The following ADAMTS2 variants were observed in gnomAD, a reference collection of about 807,000 sequenced individuals.
The protein encoded by ADAMTS2 is ADAM metallopeptidase with thrombospondin type 1 motif 2.
Under a neutral mutation model 123.0 loss-of-function variants are expected in ADAMTS2, and 50 were observed. That is an observed-to-expected ratio of 0.41 (90% CI 0.32 to 0.51). The LOEUF (loss-of-function observed/expected upper bound fraction) is 0.51. Ranked by LOEUF, ADAMTS2 falls within the 20% of genes least tolerant of loss-of-function variation. ADAMTS2 has a pLI of 0.35. For synonymous variants in ADAMTS2, 678 were observed against 695.4 expected, an observed-to-expected ratio of 0.98 and a Z score of 0.39; for missense variants, 1,494 against 1,705.2, an observed-to-expected ratio of 0.88 and a Z score of 2.18.
At position 179,314,313 on chromosome 5, in the gene ADAMTS2, G is replaced by A. The variant is rs1025247665; in HGVS notation, c.534+29454C>T. Among the ~76,000 whole-genome samples the A allele has an allele frequency of 4.6e-5, 7 of 152,190 alleles. No individual in the cohort carries two copies. Among genetic ancestry groups the A allele is most frequent in the Non-Finnish European group, 8.8e-5 (6 of 68,016 alleles). ...CCATCTGGGGCTTGGCTGGGCCTCA[G>A]CCTCCTGGCTGCCACGTCTCACTGG... On this transcript the variant is annotated intron_variant, in intron 2 of 21. Transcript: ENST00000251582. This position sits in a 1 kb window ranked among gnomAD's most constrained non-coding sequence, Gnocchi z 4.5.
chr5:179,188,276 G>A lies in ADAMTS2; in HGVS notation c.892-7121C>T, dbSNP rs1764220405. ...TCTGTCAGAGGCCTGGGGGAGGGGG[G>A]CCTGCTGCTCTGTGGCTTCTCTGGG... On this transcript the variant is annotated intron_variant, in intron 4 of 21. Coordinates refer to ENST00000251582, the MANE Select transcript of ADAMTS2 (RefSeq NM_014244.5). This position sits in a 1 kb window ranked among gnomAD's most constrained non-coding sequence, Gnocchi z 5.1. Among the ~76,000 whole-genome samples the A allele has an allele frequency of 1.3e-5, 2 of 152,198 alleles. No homozygotes were observed. The highest frequency in any genetic ancestry group is 1.3e-4 in the Admixed American group (2 of 15,288).
At chr5:179,207,947 G>A (rs1344518584) in intron 3 of ADAMTS2, among the ~76,000 whole-genome samples, 4 of 152,046 alleles carry the variant, frequency 2.6e-5, no homozygotes, top group African/African-American at 9.7e-5. Flanking sequence ...AGGACCGCTC[G>A]TTCCCCAGCC....
intron 5 of ADAMTS2, among the ~76,000 whole-genome samples, chr5:179,174,230 C>A (rs768628420): frequency 4.6e-5 from 7 of 152,050 alleles, no homozygotes; most frequent in Non-Finnish European, 7.4e-5. Flanking sequence ...TATGGGCTTT[C>A]TCTTAGCCAC....
chr5:179,147,298 A>G (rs180913363), intron 10 of ADAMTS2, among the ~76,000 whole-genome samples: 1,554 of 152,278 alleles, frequency 0.01, 11 homozygotes, highest in Non-Finnish European at 0.016. Flanking sequence ...CATGTTGGCC[A>G]GGCTGGTCTC....
chr5:179,173,179 T>A (rs1481358699), intron 5 of ADAMTS2, among the ~76,000 whole-genome samples: 1 of 151,166 alleles, frequency 6.6e-6, no homozygotes, highest in Non-Finnish European at 1.5e-5. Context: ...ACCACTCCAC[T>A]CTAGTCTGGG....
rs1554128903 is a variant in ADAMTS2 at position 179,189,510 on chromosome 5, G to GCTTTTTTTTTT, written c.892-8356_892-8355insAAAAAAAAAAG. Reference sequence around the variant, plus strand: ...CTACAGGCGCCCGCCAGTGCGCCTGGTTTTTTTTTTTTTTTTTTTTTTTTT... The same window carrying GCTTTTTTTTTT: ...CTACAGGCGCCCGCCAGTGCGCCTGGCTTTTTTTTTTTTTTTTTTTTTTTTTTTTTTTTTTT... On this transcript the variant is annotated intron_variant, in intron 4 of 21. Transcript: ENST00000251582. This position sits in a 1 kb window ranked among gnomAD's most constrained non-coding sequence, Gnocchi z 4.2. Among the ~76,000 whole-genome samples the GCTTTTTTTTTT allele has an allele frequency of 4.2e-3, 331 of 78,958 alleles. 101 individuals carry two copies. The highest frequency in any genetic ancestry group is 8.7e-3 in the African/African-American group (194 of 22,400). The allele number at this position is 78,958 out of a possible 152,430, so 51.8% of individuals were successfully genotyped here.
intron 4 of ADAMTS2, among the ~76,000 whole-genome samples, chr5:179,183,188 T>A (rs1420158898): frequency 6.6e-6 from 1 of 152,200 alleles, no homozygotes; most frequent in Non-Finnish European, 1.5e-5. Flanking sequence ...GACTAGATTG[T>A]TTAGTCCACG....
At position 179,307,920 on chromosome 5, in the gene ADAMTS2, T is replaced by A. The variant is rs1756723620; in HGVS notation, c.535-34856A>T. Among the ~76,000 whole-genome samples, 1 of 152,212 alleles carries A rather than the reference T, an allele frequency of 6.6e-6. No individual in the cohort carries two copies. Among genetic ancestry groups the A allele is most frequent in the Non-Finnish European group, 1.5e-5 (1 of 68,038 alleles). Reference sequence around the variant, plus strand: ...ATCGACACGTGGGTTCTTTATTGGGTCACTCTCTGCCCCCTGACCAGGGAT... The same window carrying A: ...ATCGACACGTGGGTTCTTTATTGGGACACTCTCTGCCCCCTGACCAGGGAT... On this transcript the variant is annotated intron_variant, in intron 2 of 21. Coordinates refer to ENST00000251582, the MANE Select transcript of ADAMTS2 (RefSeq NM_014244.5). The surrounding 1 kb of genome is among the most constrained non-coding windows in gnomAD (Gnocchi z 5.6).
At chr5:179,243,150 GAAA>G (rs34678289) in intron 3 of ADAMTS2, among the ~76,000 whole-genome samples, 133 of 143,870 alleles carry the variant, frequency 9.2e-4, no homozygotes, top group South Asian at 5.7e-3. Context: ...TTATTTACTG[GAAA>G]AAAAAAAAAA....
Position 179,343,818 on chromosome 5 carries a change from C to G in ADAMTS2, c.483G>C (p.Val161=), listed in dbSNP as rs759179223. ...CAGAGGAGGCTTCGGCTAGGCCGGCCACGTCTCCGACGTAGAGACAGCTCC... is the reference window on the plus strand; with the variant it reads ...CAGAGGAGGCTTCGGCTAGGCCGGCGACGTCTCCGACGTAGAGACAGCTCC... ...LLGSCLYVGD[V]AGLAEASSVA... The change falls in exon 2 of 22, where the codon GTG becomes GTC. Residue 161 remains valine, a synonymous_variant. Coordinates refer to ENST00000251582, the MANE Select transcript of ADAMTS2 (RefSeq NM_014244.5). The G allele has an allele frequency of 1.2e-6, 2 of 1,610,598 alleles. No individual in the cohort carries two copies. The highest frequency in any genetic ancestry group is 2.2e-5 in the South Asian group (2 of 90,554).
In ADAMTS2 at chr5:179,211,631, C is replaced by T. The variant is rs1233537336; in HGVS notation, c.689-3916G>A. 3.3e-5 allele frequency among the ~76,000 whole-genome samples: 5 copies of T among 152,162 alleles called. No individual in the cohort carries two copies. The South Asian group carries it at 6.2e-4, about 19-fold the overall frequency. On this transcript the variant is annotated intron_variant, in intron 3 of 21. Coordinates refer to ENST00000251582, the MANE Select transcript of ADAMTS2 (RefSeq NM_014244.5). The stretch of plus-strand genomic sequence containing the variant: ...CTAGAATGGAACAAAAAGACTCTAT[C>T]GAAGAGTCAATCAATAAACAGGGAG...
intron 3 of ADAMTS2, among the ~76,000 whole-genome samples, chr5:179,212,240 C>A (rs1407020470): frequency 8.0e-6 from 1 of 125,080 alleles, no homozygotes; most frequent in Admixed American, 7.7e-5. Context: ...TGGGCAGGCA[C>A]GGGCTCTGTG....
intron 2 of ADAMTS2, among the ~76,000 whole-genome samples, chr5:179,290,548 C>T (rs982713419): frequency 6.6e-6 from 1 of 152,214 alleles, no homozygotes; most frequent in African/African-American, 2.4e-5. Context: ...CCTTGTTCTA[C>T]GTTGCATACG....
intron 19 of ADAMTS2, 85 bp downstream of exon 19, chr5:179,124,888 G>A (rs1258195055): frequency 1.3e-6 from 2 of 1,597,826 alleles, no homozygotes; most frequent in Non-Finnish European, 1.7e-6. Context: ...TTGTGTAGCG[G>A]CTGAATGCAG....
chr5:179,242,848 C>A lies in ADAMTS2; in HGVS notation c.688+30063G>T, dbSNP rs1484197576. ...TCCAACTCCCAGTGACAGAGGGTAA[C>A]TCCCTGCTGAGTGTGACCGAAAGGC... is the stretch of plus-strand genomic sequence containing the variant. On this transcript the variant is annotated intron_variant, in intron 3 of 21. Coordinates refer to ENST00000251582, the MANE Select transcript of ADAMTS2 (RefSeq NM_014244.5). This position sits in a 1 kb window ranked among gnomAD's most constrained non-coding sequence, Gnocchi z 4.2. Among the ~76,000 whole-genome samples, 2 of 152,212 alleles carry A rather than the reference C, an allele frequency of 1.3e-5. No individual in the cohort carries two copies. The highest frequency in any genetic ancestry group is 4.8e-5 in the African/African-American group (2 of 41,448).
At chr5:179,178,806 G>A (rs965227205) in intron 5 of ADAMTS2, among the ~76,000 whole-genome samples, 4 of 152,162 alleles carry the variant, frequency 2.6e-5, no homozygotes, top group African/African-American at 9.7e-5. Flanking sequence ...GTTGAAGGCA[G>A]GGCTAATGTG....
chr5:179,263,450 C>A (rs984159507), intron 3 of ADAMTS2, among the ~76,000 whole-genome samples: 5 of 152,254 alleles, frequency 3.3e-5, no homozygotes, highest in Admixed American at 2.0e-4. Flanking sequence ...AGGTGCCCGG[C>A]CTTTTCCCAA....
In ADAMTS2 at chr5:179,175,570, T is replaced by C. The variant is rs1763912176; in HGVS notation, c.975+5502A>G. ...CATAATGGAAATTTTCTCTCCCTGT[T>C]TTCCCCACTACCAAGGCTGTTGTTT... is the stretch of plus-strand genomic sequence containing the variant. On this transcript the variant is annotated intron_variant, in intron 5 of 21. Coordinates refer to ENST00000251582, the MANE Select transcript of ADAMTS2 (RefSeq NM_014244.5). This position sits in a 1 kb window ranked among gnomAD's most constrained non-coding sequence, Gnocchi z 4.1. 2.0e-5 allele frequency among the ~76,000 whole-genome samples: 3 copies of C among 152,202 alleles called. No individual in the cohort carries two copies. The South Asian group carries it at 6.2e-4, about 32-fold the overall frequency.
intron 3 of ADAMTS2, among the ~76,000 whole-genome samples, chr5:179,253,600 C>T (rs973644768): frequency 5.3e-5 from 8 of 151,382 alleles, no homozygotes; most frequent in Non-Finnish European, 1.0e-4. Flanking sequence ...GAGCCGAGAT[C>T]GAGCCACTGC....
Sources: gnomAD v4.1 joint callset for allele counts (sites outside exome capture counted in the v4.1 genomes callset) on GRCh38, gnomAD v4.1.1 for gene constraint, Gnocchi (gnomAD v3.1) non-coding constraint, MANE v1.5 for transcripts, NCBI Gene and HGNC (gene_info 2026-07-23, HGNC 2026-07-21) for gene names.